DNAH9: variants seen among roughly 807,000 people sequenced by gnomAD.
The protein encoded by DNAH9 is DNAH9 variant protein.
In DNAH9, 345 loss-of-function variants were observed where a neutral mutation model predicts 471.6. That is an observed-to-expected ratio of 0.73 (90% CI 0.67 to 0.80). The LOEUF (loss-of-function observed/expected upper bound fraction) is 0.80, where lower values mean the gene tolerates loss of function less well. Ranked by LOEUF, DNAH9 falls within the 30% of genes least tolerant of loss-of-function variation. DNAH9 has a pLI of 0.00. For synonymous variants in DNAH9, 2,093 were observed against 2,123.6 expected (o/e 0.99, Z 0.40); for missense variants, 5,407 against 5,609.2 (o/e 0.96, Z 1.15).
At chr17:11,803,253 C>G (rs990568632) in intron 43 of DNAH9, among the ~76,000 whole-genome samples, 4 of 152,164 alleles carry the variant, frequency 2.6e-5, no homozygotes, top group African/African-American at 7.2e-5. Flanking sequence ...CTTTTTCTGT[C>G]TCTTTGTTTT....
intron 38 of DNAH9, among the ~76,000 whole-genome samples, chr17:11,777,838 C>T (rs1344819227): frequency 6.6e-6 from 1 of 152,118 alleles, no homozygotes; most frequent in Non-Finnish European, 1.5e-5. Context: ...TGACACAAAT[C>T]ATAGTGAAAT....
Position 11,818,532 on chromosome 17 carries a change from G to A in DNAH9, c.8708-3388G>A, listed in dbSNP as rs145574244. ...GATGCTAACATTTCTGTCAGTTACA[G>A]AAGAAGGTAAAAGCATGTGTGAACA... On this transcript the variant is annotated intron_variant, in intron 45 of 68. Transcript: ENST00000262442. Among the ~76,000 whole-genome samples, 73 of 152,086 alleles carry A rather than the reference G, an allele frequency of 4.8e-4. 1 individual carries two copies. In the East Asian group the frequency reaches 0.014, roughly 28 times the overall value.
intron 27 of DNAH9, among the ~76,000 whole-genome samples, chr17:11,726,129 G>A (rs1045420920): frequency 6.6e-6 from 1 of 152,022 alleles, no homozygotes; most frequent in African/African-American, 2.4e-5. Flanking sequence ...CTCCTGGAAA[G>A]CCTTACCCCT....
chr17:11,854,515 G>A (rs999462481), intron 50 of DNAH9, 87 bp downstream of exon 50: 26 of 1,421,396 alleles, frequency 1.8e-5, no homozygotes, highest in Admixed American at 2.7e-5. Context: ...CTAACGTTAC[G>A]GTTTTTAAAG....
intron 49 of DNAH9, among the ~76,000 whole-genome samples, chr17:11,844,804 T>A (rs1164311710): frequency 6.6e-6 from 1 of 152,158 alleles, no homozygotes; most frequent in Non-Finnish European, 1.5e-5. Flanking sequence ...AGGTTTGTTG[T>A]ACAGATTATT....
At chr17:11,790,995 A>T (rs1440036382) in intron 41 of DNAH9, among the ~76,000 whole-genome samples, 2 of 152,158 alleles carry the variant, frequency 1.3e-5, no homozygotes, top group Non-Finnish European at 2.9e-5. Flanking sequence ...TCTGTGTTTT[A>T]GTAAGTCAGC....
Position 11,598,555 on chromosome 17 carries a change from CG to C in DNAH9, c.59del (p.Gly20AlafsTer15). 2 of 1,407,580 alleles carry C rather than the reference CG, an allele frequency of 1.4e-6. No individual in the cohort carries two copies. Among genetic ancestry groups the C allele is most frequent in the East Asian group, 6.0e-5 (2 of 33,202 alleles). The allele number at this position is 1,407,580 out of a possible 1,614,324, so 87.2% of individuals were successfully genotyped here. A position where few individuals can be genotyped will look rare whatever the true frequency, so the allele number is the denominator to read the frequency against. ...LAAENADGEPGADRRLRLLGT... is the reference protein window; with the variant it reads ...LAAENADGEPXADRRLRLLGT... ...CGGCGGAGAACGCGGATGGGGAACC[CG>C]GCGCCGACCGACGACTGCGACTCCT... On this transcript the variant is annotated frameshift_variant, in exon 1 of 69. Coordinates refer to ENST00000262442, the MANE Select transcript of DNAH9 (RefSeq NM_001372.4). LOFTEE classifies it high-confidence loss of function.
intron 50 of DNAH9, 74 bp downstream of exon 50, chr17:11,854,502 C>A: frequency 6.8e-7 from 1 of 1,463,226 alleles, no homozygotes; most frequent in Non-Finnish European, 9.2e-7. Context: ...CACCATCTAA[C>A]ACCTAACGTT....
At chr17:11,672,522 A>G (rs565323919) in intron 17 of DNAH9, among the ~76,000 whole-genome samples, 5 of 151,964 alleles carry the variant, frequency 3.3e-5, no homozygotes, top group Non-Finnish European at 7.4e-5. Context: ...CCTCAAAATC[A>G]CCAGCTCTGC....
At chr17:11,677,691 C>A (rs557038057) in intron 17 of DNAH9, among the ~76,000 whole-genome samples, 1 of 151,920 alleles carries the variant, frequency 6.6e-6, no homozygotes, top group Non-Finnish European at 1.5e-5. Flanking sequence ...GTTTGCTATT[C>A]TTTTTCTTTT....
chr17:11,913,938 A>G (rs1228971657), intron 61 of DNAH9, among the ~76,000 whole-genome samples: 1 of 152,184 alleles, frequency 6.6e-6, no homozygotes, highest in Non-Finnish European at 1.5e-5. Flanking sequence ...GAATGAATGC[A>G]TATTCATTCT....
chr17:11,636,870 T>C lies in DNAH9; in HGVS notation c.1786+86T>C, dbSNP rs866795534. 149 of 1,240,028 alleles carry C rather than the reference T, an allele frequency of 1.2e-4. No individual in the cohort carries two copies. In the African/African-American group the frequency reaches 1.6e-3, roughly 14 times the overall value. 76.8% of individuals were successfully genotyped at this position (1,240,028 alleles called of 1,614,324 possible). A position where few individuals can be genotyped will look rare whatever the true frequency, so the allele number is the denominator to read the frequency against. ...TCCTCTTGTATTTGTTAAATGTCCA[T>C]GTATGGATCCATACATTCTCAAAAA... On this transcript the variant is annotated intron_variant, in intron 9 of 68. Coordinates refer to ENST00000262442, the MANE Select transcript of DNAH9 (RefSeq NM_001372.4).
At chr17:11,653,530 A>G (rs2073560207) in intron 14 of DNAH9, among the ~76,000 whole-genome samples, 1 of 152,208 alleles carries the variant, frequency 6.6e-6, no homozygotes, top group East Asian at 1.9e-4. Context: ...TCCCATCATC[A>G]AAGACTGAAG....
chr17:11,757,506 T>TA, intron 34 of DNAH9, 39 bp from the exon 35 acceptor site: 1 of 1,557,512 alleles, frequency 6.4e-7, no homozygotes, highest in South Asian at 1.1e-5. Context: ...TAATGATGTA[T>TA]ATGGAATATT....
At chr17:11,966,900 T>G (rs1168230131) in intron 68 of DNAH9, among the ~76,000 whole-genome samples, 1 of 151,514 alleles carries the variant, frequency 6.6e-6, no homozygotes, top group African/African-American at 2.4e-5. Context: ...CCAGGCATGG[T>G]GGCACACACC....
At chr17:11,668,442 G>A (rs368082247) in intron 15 of DNAH9, among the ~76,000 whole-genome samples, 52 of 152,196 alleles carry the variant, frequency 3.4e-4, no homozygotes, top group African/African-American at 1.1e-3. Context: ...CAAGGCGGGC[G>A]AATCACGAGG....
At chr17:11,615,355 C>T (rs1242064105) in intron 4 of DNAH9, among the ~76,000 whole-genome samples, 4 of 152,040 alleles carry the variant, frequency 2.6e-5, no homozygotes, top group South Asian at 2.1e-4. Context: ...GAGGCTGAGG[C>T]GGGCAGATCA....
intron 12 of DNAH9, 22 bp downstream of exon 12, chr17:11,647,220 C>G (rs377392969): frequency 2.5e-6 from 4 of 1,610,952 alleles, no homozygotes; most frequent in Non-Finnish European, 3.4e-6. Flanking sequence ...GACAGTAGCT[C>G]TCTTTTGGGT....
intron 51 of DNAH9, among the ~76,000 whole-genome samples, chr17:11,870,989 G>A (rs981148728): frequency 6.6e-6 from 1 of 152,120 alleles, no homozygotes; most frequent in Non-Finnish European, 1.5e-5. Flanking sequence ...GAGTCCTAAC[G>A]CAGAAGCAAA....
Sources: gnomAD v4.1 joint callset for allele counts (sites outside exome capture counted in the v4.1 genomes callset) on GRCh38, gnomAD v4.1.1 for gene constraint, MANE v1.5 for transcripts, NCBI Gene and HGNC (gene_info 2026-07-23, HGNC 2026-07-21) for gene names.